KCNB2: variants seen among roughly 807,000 people sequenced by gnomAD.
KCNB2 encodes potassium voltage-gated channel subfamily B member 2.
Under a neutral mutation model 61.5 loss-of-function variants are expected in KCNB2, and 15 were observed. That is an observed-to-expected ratio of 0.24 (90% confidence interval 0.16 to 0.38). The LOEUF (loss-of-function observed/expected upper bound fraction) is 0.38, where lower values mean the gene tolerates loss of function less well. Among genes scored for constraint, KCNB2 ranks in the 10% least tolerant of loss-of-function variants. KCNB2 has a pLI of 1.00. For missense variants in KCNB2, 828 were observed against 1,125.2 expected (o/e 0.74, Z 3.78); for synonymous variants, 457 against 446.0 (o/e 1.02, Z -0.31).
intron 2 of KCNB2, among the ~76,000 whole-genome samples, chr8:72,573,395 A>G (rs920533068): frequency 6.6e-6 from 1 of 152,162 alleles, no homozygotes; most frequent in East Asian, 1.9e-4. Flanking sequence ...GCTGTATAAC[A>G]CTCTTTGTTT....
chr8:72,574,529 A>C (rs1806765968), intron 2 of KCNB2, among the ~76,000 whole-genome samples: 1 of 152,198 alleles, frequency 6.6e-6, no homozygotes, highest in Non-Finnish European at 1.5e-5. Flanking sequence ...AGAATCATGC[A>C]CTTTTTGGTT....
chr8:72,714,731 G>A (rs1158990157), intron 2 of KCNB2, among the ~76,000 whole-genome samples: 1 of 152,090 alleles, frequency 6.6e-6, no homozygotes, highest in African/African-American at 2.4e-5. Flanking sequence ...GACCATCAAG[G>A]CTAGGAAGAA....
intron 2 of KCNB2, among the ~76,000 whole-genome samples, chr8:72,905,061 C>A (rs1404738438): frequency 6.6e-6 from 1 of 152,128 alleles, no homozygotes; most frequent in African/African-American, 2.4e-5. Flanking sequence ...GAAACACCTG[C>A]TAAGTACTGA....
chr8:72,561,787 A>G (rs866704753), intron 1 of KCNB2, among the ~76,000 whole-genome samples: 1,416 of 69,614 alleles, frequency 0.02, 289 homozygotes, highest in Admixed American at 0.026. Context: ...GGATATATAT[A>G]TACATATATA....
At chr8:72,617,800 C>T (rs190427615) in intron 2 of KCNB2, among the ~76,000 whole-genome samples, 42 of 152,252 alleles carry the variant, frequency 2.8e-4, no homozygotes, top group African/African-American at 1.0e-3. Flanking sequence ...GCCACCTCCC[C>T]GCCGGCCCCG....
intron 2 of KCNB2, among the ~76,000 whole-genome samples, chr8:72,906,024 T>C (rs1806171133): frequency 6.6e-6 from 1 of 152,204 alleles, no homozygotes; most frequent in Admixed American, 6.5e-5. Flanking sequence ...AAGCCAAAAT[T>C]CGGTTTTCTG....
intron 2 of KCNB2, among the ~76,000 whole-genome samples, chr8:72,863,328 A>G (rs559477588): frequency 1.3e-5 from 2 of 152,332 alleles, no homozygotes; most frequent in South Asian, 4.1e-4. Flanking sequence ...AGCATTTACC[A>G]AGCAAAAATA....
chr8:72,867,967 G>T (rs1355181596), intron 2 of KCNB2, among the ~76,000 whole-genome samples: 1 of 151,452 alleles, frequency 6.6e-6, no homozygotes, highest in Non-Finnish European at 1.5e-5. Context: ...ATTGTATCCA[G>T]TTCTTTGAAA....
intron 2 of KCNB2, among the ~76,000 whole-genome samples, chr8:72,635,029 C>T (rs1266612805): frequency 6.6e-6 from 1 of 152,182 alleles, no homozygotes; most frequent in Admixed American, 6.5e-5. Flanking sequence ...ATTTGTGTAA[C>T]TGCCAGCAGG....
intron 2 of KCNB2, among the ~76,000 whole-genome samples, chr8:72,639,320 T>G (rs1298851997): frequency 4.6e-5 from 7 of 152,144 alleles, no homozygotes; most frequent in Non-Finnish European, 1.0e-4. Flanking sequence ...CGCCTATTGA[T>G]TAGACATCCA....
chr8:72,921,662 A>G (rs780743384), intron 2 of KCNB2, among the ~76,000 whole-genome samples: 1 of 152,088 alleles, frequency 6.6e-6, no homozygotes, highest in Non-Finnish European at 1.5e-5. Context: ...GTATTTCCTT[A>G]TTTATATTTC....
chr8:72,544,634 C>T (rs1339067610), intron 1 of KCNB2, among the ~76,000 whole-genome samples: 1 of 152,162 alleles, frequency 6.6e-6, no homozygotes, highest in Non-Finnish European at 1.5e-5. Context: ...CCTCCCAATA[C>T]AGGTCATAAT....
intron 2 of KCNB2, among the ~76,000 whole-genome samples, chr8:72,701,153 C>T (rs1233370048): frequency 1.3e-5 from 2 of 152,028 alleles, no homozygotes; most frequent in African/African-American, 2.4e-5. Context: ...TGGCATCAGT[C>T]GTACCCAAGT....
At chr8:72,820,031 C>T (rs1330998139) in intron 2 of KCNB2, among the ~76,000 whole-genome samples, 3 of 152,120 alleles carry the variant, frequency 2.0e-5, no homozygotes, top group Non-Finnish European at 4.4e-5. Context: ...AAACTCCCAT[C>T]TTGTAGGCCC....
At chr8:72,935,382 G>A (rs1303204853) in intron 2 of KCNB2, among the ~76,000 whole-genome samples, 1 of 152,194 alleles carries the variant, frequency 6.6e-6, no homozygotes, top group Non-Finnish European at 1.5e-5. Context: ...TGAGGACAAA[G>A]GCCATACTAA....
chr8:72,604,902 G>A (rs573457234), intron 2 of KCNB2, among the ~76,000 whole-genome samples: 1 of 152,252 alleles, frequency 6.6e-6, no homozygotes, highest in South Asian at 2.1e-4. Context: ...TTGTGAAGGA[G>A]GAGAAAATGA....
chr8:72,831,471 G>C (rs1809693729), intron 2 of KCNB2, among the ~76,000 whole-genome samples: 2 of 152,172 alleles, frequency 1.3e-5, no homozygotes, highest in Non-Finnish European at 2.9e-5. Flanking sequence ...TGTTTGCAAA[G>C]TTTTAAGCCA....
At chr8:72,559,674 G>A (rs1307477528) in intron 1 of KCNB2, among the ~76,000 whole-genome samples, 3 of 152,152 alleles carry the variant, frequency 2.0e-5, no homozygotes, top group East Asian at 1.9e-4. Context: ...GCCTGACTGC[G>A]GCCATTACCC....
At chr8:72,572,523 TC>T (rs1192978649) in intron 2 of KCNB2, among the ~76,000 whole-genome samples, 1 of 151,362 alleles carries the variant, frequency 6.6e-6, no homozygotes, top group Non-Finnish European at 1.5e-5. Context: ...TCCCTCCCTT[TC>T]CCCCACTCCT....
Sources: gnomAD v4.1 joint callset for allele counts (sites outside exome capture counted in the v4.1 genomes callset) on GRCh38, gnomAD v4.1.1 for gene constraint, MANE v1.5 for transcripts, NCBI Gene and HGNC (gene_info 2026-07-23, HGNC 2026-07-21) for gene names.